The following SERPIND1 variants were observed in gnomAD, a reference collection of about 807,000 sequenced individuals.
SERPIND1 encodes the protein serpin family D member 1.
A neutral mutation model predicts 35.0 loss-of-function variants in SERPIND1; 34 were observed. The observed-to-expected ratio is 0.97, with a 90% CI of 0.74 to 1.29. SERPIND1 has a LOEUF of 1.29. Among genes scored for constraint, SERPIND1 ranks in the 50% most tolerant of loss-of-function variants. The pLI is 0.00. For synonymous variants in SERPIND1, 236 were observed against 241.1 expected (o/e 0.98, Z 0.19); for missense variants, 633 against 637.7 (o/e 0.99, Z 0.08).
At chr22:20,775,245 T>A (rs1329408052) in intron 1 of SERPIND1, among the ~76,000 whole-genome samples, 1 of 152,192 alleles carries the variant, frequency 6.6e-6, no homozygotes, top group African/African-American at 2.4e-5. Context: ...TAAAATATAT[T>A]GTTTCTCTTC....
rs760039983 is a variant in SERPIND1 at position 20,784,210 on chromosome 22, G to A, written c.1128G>A (p.Arg376=). ...CCCTCGAAGCGCAACTGACACCCCG[G>A]GTGGTGGAGAGATGGCAAAAAAGCA... The part of the protein sequence containing the change: ...MKTLEAQLTP[R]VVERWQKSMT... The change falls in exon 3 of 5, where the codon CGG becomes CGA. Residue 376 remains arginine (R), a synonymous_variant. Coordinates refer to ENST00000215727, the MANE Select transcript of SERPIND1 (RefSeq NM_000185.4). The A allele has an allele frequency of 6.8e-6, 11 of 1,614,156 alleles. No individual in the cohort carries two copies. Among genetic ancestry groups the A allele is most frequent in the Non-Finnish European group, 9.3e-6 (11 of 1,180,032 alleles).
chr22:20,774,149 A>G lies in SERPIND1; in HGVS notation c.-17+4A>G, dbSNP rs1933054737. Reference sequence around the variant, plus strand: ...GCCACTTCTCAGAAACACAGAGGTAAGTTGGGTTTCTAATGTTTCTGCTGA... The same window carrying G: ...GCCACTTCTCAGAAACACAGAGGTAGGTTGGGTTTCTAATGTTTCTGCTGA... On this transcript the variant is annotated splice_donor_region_variant and intron_variant, in intron 1 of 4. Coordinates refer to ENST00000215727, the MANE Select transcript of SERPIND1 (RefSeq NM_000185.4). 2.6e-5 allele frequency: 4 copies of G among 152,210 alleles called. No individual in the cohort carries two copies. 9.4% of individuals were successfully genotyped at this position (152,210 alleles called of 1,614,324 possible). A position where few individuals can be genotyped will look rare whatever the true frequency, so the allele number is the denominator to read the frequency against.
At chr22:20,775,691 T>C (rs1335330478) in intron 1 of SERPIND1, among the ~76,000 whole-genome samples, 1 of 152,192 alleles carries the variant, frequency 6.6e-6, no homozygotes, top group Non-Finnish European at 1.5e-5. Flanking sequence ...GGTCTTGCTA[T>C]GTTGCTCCAG....
chr22:20,787,132 A>G lies in SERPIND1; in HGVS notation c.*66A>G. On this transcript the variant is annotated 3_prime_UTR_variant, in exon 5 of 5. Transcript: ENST00000215727. ...TCATTTTGTTTCCATTCCAACAACGAGAACAGAGATGTTCTGGCATCATTT... is the reference window on the plus strand; with the variant it reads ...TCATTTTGTTTCCATTCCAACAACGGGAACAGAGATGTTCTGGCATCATTT... The G allele has an allele frequency of 7.2e-7, 1 of 1,391,248 alleles. No individual in the cohort carries two copies. The highest frequency in any genetic ancestry group is 1.2e-5 in the South Asian group (1 of 86,260). The allele number at this position is 1,391,248 out of a possible 1,614,324, so 86.2% of individuals were successfully genotyped here.
intron 2 of SERPIND1, among the ~76,000 whole-genome samples, chr22:20,782,050 T>C (rs2147494967): frequency 6.6e-6 from 1 of 152,370 alleles, no homozygotes; most frequent in Admixed American, 6.5e-5. Context: ...TGACATTTAT[T>C]TTACTTCTAC....
chr22:20,786,227 C>A, intron 4 of SERPIND1, 79 bp downstream of exon 4: 1 of 1,480,136 alleles, frequency 6.8e-7, no homozygotes, highest in Non-Finnish European at 9.4e-7. Context: ...GCCCTTCCTA[C>A]CCACCCCCCA....
intron 1 of SERPIND1, among the ~76,000 whole-genome samples, chr22:20,777,239 G>A (rs948736316): frequency 5.4e-5 from 8 of 148,356 alleles, no homozygotes; most frequent in South Asian, 4.3e-4. Context: ...TTTTTGAGAC[G>A]GAGTTTCGCT....
rs1472106572 is a variant in SERPIND1 at position 20,786,167 on chromosome 22, AC to A, written c.1308+24del. 6.2e-7 allele frequency: 1 copy of A among 1,612,882 alleles called. No individual in the cohort carries two copies. The highest frequency in any genetic ancestry group is 8.5e-7 in the Non-Finnish European group (1 of 1,179,772). On this transcript the variant is annotated intron_variant, in intron 4 of 4. Transcript: ENST00000215727. The stretch of plus-strand genomic sequence containing the variant: ...CGACCTGGTAACCACTCCCTTGTCC[AC>A]CCCCGACCCGTCCCCAGGGTCTGCC...
intron 2 of SERPIND1, among the ~76,000 whole-genome samples, chr22:20,780,789 A>AAAAAAAAAAAAAAAAAAAG (rs1569025354): frequency 6.6e-6 from 1 of 151,276 alleles, no homozygotes; most frequent in African/African-American, 2.4e-5. Flanking sequence ...AAAAAAAAAA[A>AAAAAAAAAAAAAAAAAAAG]AAGAAGTAAA....
Position 20,785,921 on chromosome 22 carries a change from C to T in SERPIND1, c.1164-83C>T, listed in dbSNP as rs761013950. ...TATCAATTCTGTGATAAATATAACC[C>T]GTGGCCCTTTAAAGGGAAAATCATG... On this transcript the variant is annotated intron_variant, in intron 3 of 4. Transcript: ENST00000215727. 97 of 1,560,052 alleles carry T rather than the reference C, an allele frequency of 6.2e-5. 1 individual carries two copies. The highest frequency in any genetic ancestry group is 6.2e-5 in the Non-Finnish European group (70 of 1,132,758).
At chr22:20,783,399 C>A (rs1186318856) in intron 2 of SERPIND1, among the ~76,000 whole-genome samples, 3 of 149,026 alleles carry the variant, frequency 2.0e-5, no homozygotes, top group Non-Finnish European at 4.4e-5. Context: ...GGGTTTGAGA[C>A]CAGCCTAGGT....
In SERPIND1 at chr22:20,786,923, A is replaced by C; in HGVS notation, c.1357A>C (p.Thr453Pro). 1 of 1,614,162 alleles carries C rather than the reference A, an allele frequency of 6.2e-7. No homozygotes were observed. Among genetic ancestry groups the C allele is most frequent in the East Asian group, 2.2e-5 (1 of 44,876 alleles). Residue 453 changes from threonine (T) to proline (P), a missense_variant, in exon 5 of 5, where the codon ACC (threonine) becomes CCC (proline). Physicochemically the swap from Thr to Pro is conservative, Grantham distance 38. Coordinates refer to ENST00000215727, the MANE Select transcript of SERPIND1 (RefSeq NM_000185.4). ...AGTGAACGAGGAAGGCACCCAAGCC[A>C]CCACTGTGACCACGGTGGGGTTCAT... ...ITVNEEGTQA[T>P]TVTTVGFMPL... is the part of the protein sequence containing the mutation.
At chr22:20,786,650 C>A (rs1934256049) in intron 4 of SERPIND1, among the ~76,000 whole-genome samples, 1 of 152,174 alleles carries the variant, frequency 6.6e-6, no homozygotes, top group Non-Finnish European at 1.5e-5. Context: ...GACCCTCAGA[C>A]CACAGGCACT....
chr22:20,781,705 G>A (rs950792925), intron 2 of SERPIND1, among the ~76,000 whole-genome samples: 17 of 152,234 alleles, frequency 1.1e-4, no homozygotes, highest in Non-Finnish European at 2.5e-4. Context: ...GCTTGCGGCA[G>A]ACACACACAC....
At chr22:20,778,260 G>T (rs1002304670) in intron 1 of SERPIND1, among the ~76,000 whole-genome samples, 2 of 152,072 alleles carry the variant, frequency 1.3e-5, no homozygotes, top group Non-Finnish European at 2.9e-5. Flanking sequence ...CAGCACTTTG[G>T]GGGGCTGAGG....
rs1933599461 is a variant in SERPIND1, at chr22:20,779,650, T to G, written c.338T>G (p.Ile113Ser). 2 of 1,613,876 alleles carry G rather than the reference T, an allele frequency of 1.2e-6. No individual in the cohort carries two copies. The highest frequency in any genetic ancestry group is 8.5e-7 in the Non-Finnish European group (1 of 1,179,854). Residue 113 changes from isoleucine to serine, a missense_variant, in exon 2 of 5, where the codon ATC becomes AGC. Ile to Ser is a moderately radical substitution (Grantham distance 142). Transcript: ENST00000215727. ...GACTCTGATGTGAGTGCTGGGAACA[T>G]CCTCCAGCTTTTTCATGGCAAGAGC... ...PTDSDVSAGN[I>S]LQLFHGKSRI...
chr22:20,785,961 T>G, intron 3 of SERPIND1, 43 bp from the exon 4 acceptor site: 1 of 1,613,852 alleles, frequency 6.2e-7, no homozygotes, highest in Non-Finnish European at 8.5e-7. Context: ...TTTTGTAACT[T>G]GTGGTTCAAT....
chr22:20,774,756 GT>G (rs1341960642), intron 1 of SERPIND1, among the ~76,000 whole-genome samples: 1 of 110,704 alleles, frequency 9.0e-6, no homozygotes, highest in South Asian at 2.7e-4. Flanking sequence ...GTTAGACTCC[GT>G]CAAAAAAAAA....
chr22:20,782,919 A>G (rs1933910032), intron 2 of SERPIND1, among the ~76,000 whole-genome samples: 1 of 152,186 alleles, frequency 6.6e-6, no homozygotes. Flanking sequence ...TTCAACCTCC[A>G]AGACACCTCC....
Sources: gnomAD v4.1 joint callset for allele counts (sites outside exome capture counted in the v4.1 genomes callset) on GRCh38, gnomAD v4.1.1 for gene constraint, MANE v1.5 for transcripts, NCBI Gene and HGNC (gene_info 2026-07-23, HGNC 2026-07-21) for gene names.